The following RNF130 variants were observed in gnomAD, a reference collection of about 807,000 sequenced individuals.
The protein encoded by RNF130 is E3 ubiquitin-protein ligase RNF130.
A neutral mutation model predicts 44.6 loss-of-function variants in RNF130; 21 were observed. The observed-to-expected ratio is 0.47, with a 90% CI of 0.33 to 0.68. The LOEUF (loss-of-function observed/expected upper bound fraction) is 0.68, where lower values mean the gene tolerates loss of function less well. Among genes scored for constraint, RNF130 ranks in the 30% least tolerant of loss-of-function variants. The pLI is 0.02. For synonymous variants in RNF130, 214 were observed against 210.4 expected (o/e 1.02, Z -0.15); for missense variants, 479 against 560.6 (o/e 0.85, Z 1.47).
At chr5:180,018,737 G>A (rs1017994362) in intron 2 of RNF130, among the ~76,000 whole-genome samples, 2 of 152,184 alleles carry the variant, frequency 1.3e-5, no homozygotes, top group Non-Finnish European at 2.9e-5. Flanking sequence ...CTCAGAAAAT[G>A]CCCAGGGATC....
chr5:179,964,124 G>C (rs1460726334), intron 7 of RNF130: 1 of 152,494 alleles, frequency 6.6e-6, no homozygotes, highest in Non-Finnish European at 1.5e-5. Flanking sequence ...TACGTAAAAA[G>C]GACATCTCAC....
At chr5:180,017,800 T>C (rs934696497) in intron 2 of RNF130, among the ~76,000 whole-genome samples, 7 of 152,158 alleles carry the variant, frequency 4.6e-5, no homozygotes, top group African/African-American at 1.2e-4. Context: ...TTAAGCTCCT[T>C]TGGGCTCCGG....
intron 2 of RNF130, among the ~76,000 whole-genome samples, chr5:180,038,763 T>C (rs1005434801): frequency 3.3e-5 from 5 of 152,196 alleles, no homozygotes; most frequent in Non-Finnish European, 4.4e-5. Context: ...CTCATACTTT[T>C]ATTAAAAGAC....
At chr5:179,912,070 C>G (rs1761474203) in exon 8 of RNF130, 1 of 152,200 alleles carries the variant, frequency 6.6e-6, no homozygotes, top group Admixed American at 6.5e-5. Flanking sequence ...TTAGGTATAT[C>G]CCAAGCCTCC....
downstream of RNF130, among the ~76,000 whole-genome samples, chr5:179,953,383 G>C (rs763199461): frequency 6.6e-6 from 1 of 151,322 alleles, no homozygotes; most frequent in Non-Finnish European, 1.5e-5. Context: ...AAACAAACCT[G>C]GAAAAGAACA....
chr5:179,988,002 C>T (rs952245817), intron 3 of RNF130, among the ~76,000 whole-genome samples: 39 of 152,182 alleles, frequency 2.6e-4, no homozygotes, highest in Non-Finnish European at 2.9e-5. Flanking sequence ...AAAGAATTCT[C>T]TCTTCTTTCA....
At chr5:180,013,783 A>T (rs900328783) in intron 2 of RNF130, among the ~76,000 whole-genome samples, 1 of 152,226 alleles carries the variant, frequency 6.6e-6, no homozygotes, top group Non-Finnish European at 1.5e-5. Context: ...TACTTCTTGC[A>T]CTAATCTAGG....
chr5:179,935,020 T>C (rs891498671), intron 7 of RNF130, among the ~76,000 whole-genome samples: 1 of 152,220 alleles, frequency 6.6e-6, no homozygotes, highest in Non-Finnish European at 1.5e-5. Context: ...TTTAGCTGAA[T>C]TACGTAAGTT....
chr5:179,926,165 G>A (rs916712027), intron 7 of RNF130, among the ~76,000 whole-genome samples: 3 of 152,172 alleles, frequency 2.0e-5, no homozygotes, highest in East Asian at 1.9e-4. Flanking sequence ...ATGGGTTTAC[G>A]ACTAGTGCCT....
intron 7 of RNF130, among the ~76,000 whole-genome samples, chr5:179,937,106 C>T (rs987012287): frequency 6.7e-6 from 1 of 149,000 alleles, no homozygotes; most frequent in Non-Finnish European, 1.5e-5. Flanking sequence ...ATCATTAAAA[C>T]GAAATATCAT....
At chr5:179,935,243 GTTGAAATTTGCTAAATTTA>G (rs1223769871) in intron 7 of RNF130, among the ~76,000 whole-genome samples, 1 of 151,994 alleles carries the variant, frequency 6.6e-6, no homozygotes, top group Non-Finnish European at 1.5e-5. Flanking sequence ...TTAAATATTA[GTTGAAATTTGCTAAATTTA>G]TTGAAATTTA....
chr5:180,026,566 A>C (rs760102997), intron 2 of RNF130, among the ~76,000 whole-genome samples: 1 of 152,226 alleles, frequency 6.6e-6, no homozygotes, highest in African/African-American at 2.4e-5. Flanking sequence ...GCACTGGAAC[A>C]GACGTCCTTC....
At chr5:179,939,461 T>C (rs1349875093) in intron 7 of RNF130, 3 of 190,306 alleles carry the variant, frequency 1.6e-5, no homozygotes. Context: ...AACGTTTTTG[T>C]TCGATGACTT....
chr5:180,041,989 G>A (rs1212454227), intron 1 of RNF130, among the ~76,000 whole-genome samples: 1 of 152,148 alleles, frequency 6.6e-6, no homozygotes, highest in African/African-American at 2.4e-5. Context: ...GACTGCTTGA[G>A]CCATGATCGC....
chr5:180,055,424 T>TGAATGTCA (rs1561709764), intron 1 of RNF130, among the ~76,000 whole-genome samples: 2 of 75,614 alleles, frequency 2.6e-5, no homozygotes, highest in Admixed American at 1.4e-4. Flanking sequence ...TTCCTCAACC[T>TGAATGTCA]GAATGTCAGA....
chr5:180,030,162 AC>A (rs1303408943), intron 2 of RNF130, among the ~76,000 whole-genome samples: 1 of 152,012 alleles, frequency 6.6e-6, no homozygotes, highest in Non-Finnish European at 1.5e-5. Context: ...ACTTTTTAAT[AC>A]CATTCTATCC....
At chr5:179,937,598 T>C (rs1441824115) in intron 7 of RNF130, among the ~76,000 whole-genome samples, 1 of 152,308 alleles carries the variant, frequency 6.6e-6, no homozygotes, top group African/African-American at 2.4e-5. Flanking sequence ...TTATACATTG[T>C]TGGCAGGAAT....
intron 3 of RNF130, among the ~76,000 whole-genome samples, chr5:179,983,970 A>G (rs1387565188): frequency 6.6e-6 from 1 of 152,158 alleles, no homozygotes; most frequent in East Asian, 1.9e-4. Context: ...GCTGGACTCA[A>G]ACTCCTGGGT....
intron 1 of RNF130, among the ~76,000 whole-genome samples, chr5:180,067,182 G>A (rs935946702): frequency 2.0e-5 from 3 of 152,212 alleles, no homozygotes; most frequent in African/African-American, 7.2e-5. Flanking sequence ...CACAAGCTTT[G>A]TCATCTGACA....
Sources: gnomAD v4.1 joint callset for allele counts (sites outside exome capture counted in the v4.1 genomes callset) on GRCh38, gnomAD v4.1.1 for gene constraint, MANE v1.5 for transcripts, NCBI Gene and HGNC (gene_info 2026-07-23, HGNC 2026-07-21) for gene names.